ANKRD11: variants seen among roughly 807,000 people sequenced by gnomAD.
ANKRD11 encodes ankyrin repeat domain 11.
In ANKRD11, 17 loss-of-function variants were observed where a neutral mutation model predicts 195.7. The observed-to-expected ratio is 0.09, with a 90% CI of 0.06 to 0.13. The LOEUF (loss-of-function observed/expected upper bound fraction) is 0.13. ANKRD11 is among the 10% of genes least tolerant of loss of function. The probability of loss-of-function intolerance (pLI) is 1.00; values close to 1 mark genes in which losing one functional copy is unlikely to be tolerated. For synonymous variants in ANKRD11, 1,953 were observed against 1,528.1 expected, an observed-to-expected ratio of 1.28 and a Z score of -6.49; for missense variants, 3,735 against 3,566.1, an observed-to-expected ratio of 1.05 and a Z score of -1.21.
chr16:89,307,224 T>C (rs1039028695), intron 3 of ANKRD11, among the ~76,000 whole-genome samples: 3 of 152,242 alleles, frequency 2.0e-5, no homozygotes, highest in African/African-American at 7.2e-5. Flanking sequence ...AGGCCTCAGC[T>C]GCTCCAGGGC....
chr16:89,393,101 C>A (rs1012837006), intron 2 of ANKRD11, among the ~76,000 whole-genome samples: 1 of 152,096 alleles, frequency 6.6e-6, no homozygotes, highest in African/African-American at 2.4e-5. Context: ...GTCTCCCTCC[C>A]TCTTCTTCAC....
intron 2 of ANKRD11, among the ~76,000 whole-genome samples, chr16:89,397,683 T>G (rs1597277952): frequency 6.6e-6 from 1 of 152,196 alleles, no homozygotes; most frequent in Non-Finnish European, 1.5e-5. Flanking sequence ...ACAGTGTGCT[T>G]TTGTGGATGC....
intron 1 of ANKRD11, among the ~76,000 whole-genome samples, chr16:89,436,816 T>C (rs193241867): frequency 4.7e-4 from 72 of 152,354 alleles, no homozygotes; most frequent in African/African-American, 1.7e-3. Context: ...ACTAGAGAAC[T>C]GTTAGAGACC....
chr16:89,290,649 C>G lies in ANKRD11; in HGVS notation c.577G>C (p.Asp193His). Reference sequence around the variant, plus strand: ...CCTGCGAAGTCCTTGACGTTGACGTCTGCCCCCTCGCTGATGAGCTCTTTG... The same window carrying G: ...CCTGCGAAGTCCTTGACGTTGACGTGTGCCCCCTCGCTGATGAGCTCTTTG... Reference protein sequence around the residue: ...RIKELISEGADVNVKDFAGWT... With the variant: ...RIKELISEGAHVNVKDFAGWT... The change falls in exon 6 of 13, where the codon GAC (aspartate) becomes CAC (histidine). Residue 193 changes from aspartate to histidine, a missense_variant. By Grantham distance (81) the Asp-to-His change is moderately conservative. Transcript: ENST00000301030. 2 of 1,613,576 alleles carry G rather than the reference C, an allele frequency of 1.2e-6. No individual in the cohort carries two copies. The highest frequency in any genetic ancestry group is 8.5e-7 in the Non-Finnish European group (1 of 1,180,010).
chr16:89,456,404 C>T (rs1387212983), intron 1 of ANKRD11, among the ~76,000 whole-genome samples: 6 of 151,454 alleles, frequency 4.0e-5, no homozygotes, highest in East Asian at 1.9e-4. Context: ...GAAAATTAGC[C>T]GAGCGTGGTG....
chr16:89,389,342 C>T (rs1361937050), intron 2 of ANKRD11, among the ~76,000 whole-genome samples: 1 of 151,762 alleles, frequency 6.6e-6, no homozygotes, highest in Admixed American at 6.6e-5. Context: ...TTGCTGTAAA[C>T]CTAAAATTTT....
chr16:89,427,713 T>C (rs990664077), intron 1 of ANKRD11, among the ~76,000 whole-genome samples: 27 of 150,872 alleles, frequency 1.8e-4, no homozygotes, highest in Non-Finnish European at 2.4e-4. Flanking sequence ...GCAGGAGAAC[T>C]GCTTGAACCC....
chr16:89,330,828 T>C (rs2038027183), intron 2 of ANKRD11, among the ~76,000 whole-genome samples: 1 of 152,196 alleles, frequency 6.6e-6, no homozygotes, highest in Non-Finnish European at 1.5e-5. Context: ...TCAAAGATTC[T>C]GTGGACACTC....
chr16:89,280,432 A>G lies in ANKRD11; in HGVS notation c.6110T>C (p.Val2037Ala). 1 of 1,579,872 alleles carries G rather than the reference A, an allele frequency of 6.3e-7. No individual in the cohort carries two copies. The highest frequency in any genetic ancestry group is 8.6e-7 in the Non-Finnish European group (1 of 1,162,060). The change falls in exon 9 of 13, where the codon GTC (valine) becomes GCC (alanine). Residue 2037 changes from valine (V) to alanine (A), a missense_variant. Transcript: ENST00000301030. ...LPVAEPGLED[V>A]KDGVDAVPAA... ...GGGGACGGCGTCCACTCCGTCCTTG[A>G]CGTCCTCCAGCCCCGGCTCAGCGAC... is the stretch of plus-strand genomic sequence containing the variant.
At chr16:89,372,354 G>A (rs748789975) in intron 2 of ANKRD11, among the ~76,000 whole-genome samples, 16 of 152,166 alleles carry the variant, frequency 1.1e-4, no homozygotes, top group African/African-American at 3.6e-4. Flanking sequence ...GCCTGCCGCC[G>A]GTGTGGAGAG....
At chr16:89,368,224 C>T (rs182803) in intron 2 of ANKRD11, among the ~76,000 whole-genome samples, 1 of 151,390 alleles carries the variant, frequency 6.6e-6, no homozygotes, top group Admixed American at 6.6e-5. Context: ...GATACAGATT[C>T]TTGCTCTGTT....
chr16:89,440,799 C>A (rs1257829640), intron 1 of ANKRD11, among the ~76,000 whole-genome samples: 1 of 152,150 alleles, frequency 6.6e-6, no homozygotes, highest in African/African-American at 2.4e-5. Context: ...CCAAGCCTGC[C>A]GGGACTGAAA....
chr16:89,460,712 G>A (rs775003301), intron 1 of ANKRD11, among the ~76,000 whole-genome samples: 2 of 152,256 alleles, frequency 1.3e-5, no homozygotes, highest in South Asian at 2.1e-4. Context: ...ACTCCAGCCC[G>A]AGCAAGACAG....
chr16:89,474,312 C>A (rs750713068), intron 1 of ANKRD11, among the ~76,000 whole-genome samples: 1 of 152,006 alleles, frequency 6.6e-6, no homozygotes, highest in Non-Finnish European at 1.5e-5. Context: ...ATTTGTTACA[C>A]AGCAGTAGAA....
chr16:89,468,786 G>A (rs2152345827), intron 1 of ANKRD11, among the ~76,000 whole-genome samples: 2 of 152,292 alleles, frequency 1.3e-5, no homozygotes, highest in East Asian at 3.9e-4. Flanking sequence ...CAGCCCCAAT[G>A]GCCAGCCTGC....
chr16:89,356,316 A>T (rs1461607022), intron 2 of ANKRD11, among the ~76,000 whole-genome samples: 1 of 151,618 alleles, frequency 6.6e-6, no homozygotes, highest in African/African-American at 2.4e-5. Context: ...AGACACGCAC[A>T]GTTCTCGGTG....
chr16:89,409,546 A>T (rs866944246), intron 2 of ANKRD11, among the ~76,000 whole-genome samples: 2 of 152,080 alleles, frequency 1.3e-5, no homozygotes, highest in African/African-American at 2.4e-5. Flanking sequence ...GGGTGCTGCG[A>T]CTCACGCCTG....
intron 2 of ANKRD11, among the ~76,000 whole-genome samples, chr16:89,335,477 A>G (rs2038304138): frequency 6.6e-6 from 1 of 152,180 alleles, no homozygotes; most frequent in Non-Finnish European, 1.5e-5. Context: ...CGCAGTACGC[A>G]GTGGGTTAGG....
At chr16:89,471,642 G>A (rs1487322611) in intron 1 of ANKRD11, among the ~76,000 whole-genome samples, 4 of 151,800 alleles carry the variant, frequency 2.6e-5, no homozygotes, top group Non-Finnish European at 5.9e-5. Context: ...AAAATTATCC[G>A]GGCGTGGTGG....
Sources: gnomAD v4.1 joint callset for allele counts (sites outside exome capture counted in the v4.1 genomes callset) on GRCh38, gnomAD v4.1.1 for gene constraint, MANE v1.5 for transcripts, NCBI Gene and HGNC (gene_info 2026-07-23, HGNC 2026-07-21) for gene names.